The following ATIC variants were observed in gnomAD, a reference collection of about 807,000 sequenced individuals.
ATIC encodes 5-aminoimidazole-4-carboxamide ribonucleotide formyltransferase/IMP cyclohydrolase, also known as bifunctional purine biosynthesis protein ATIC.
A neutral mutation model predicts 72.5 loss-of-function variants in ATIC; 64 were observed. The ratio of observed to expected loss-of-function variants is 0.88; its 90% confidence interval spans 0.72 to 1.09. The LOEUF (loss-of-function observed/expected upper bound fraction) is 1.09. ATIC is among the 50% of genes least tolerant of loss of function. The probability of loss-of-function intolerance (pLI) is 0.00; values close to 1 mark genes in which losing one functional copy is unlikely to be tolerated. For synonymous variants in ATIC, 281 were observed against 267.1 expected (o/e 1.05, Z -0.51); for missense variants, 787 against 732.4 (o/e 1.07, Z -0.86).
At chr2:215,362,065 G>C in the ATIC span, 1 of 1,613,932 alleles carries the variant, frequency 6.2e-7, no homozygotes, top group Middle Eastern at 1.7e-4. Context: ...TGCGGCAGTT[G>C]TCACAGCGCC....
At chr2:215,320,546 C>T (rs1375225894) in intron 4 of ATIC, among the ~76,000 whole-genome samples, 1 of 151,938 alleles carries the variant, frequency 6.6e-6, no homozygotes, top group Non-Finnish European at 1.5e-5. Flanking sequence ...GAGGAGTTGC[C>T]CAGCTCTTTT....
chr2:215,332,627 C>A, intron 8 of ATIC, 120 bp downstream of exon 8: 1 of 1,260,134 alleles, frequency 7.9e-7, no homozygotes, highest in Non-Finnish European at 1.1e-6. Context: ...TGAAAGTCAT[C>A]TGTTGATAAC....
chr2:215,330,798 C>T (rs972768611), intron 7 of ATIC, among the ~76,000 whole-genome samples: 1 of 151,558 alleles, frequency 6.6e-6, no homozygotes, highest in African/African-American at 2.4e-5. Context: ...TCCGCCTTGG[C>T]CTCTCAAGTA....
chr2:215,337,169 CAA>C (rs562588056), intron 11 of ATIC, among the ~76,000 whole-genome samples: 1 of 151,036 alleles, frequency 6.6e-6, no homozygotes, highest in African/African-American at 2.4e-5. Flanking sequence ...ATTGATAAAG[CAA>C]AGAGTTATTT....
chr2:215,335,563 C>G (rs570299079), intron 10 of ATIC, among the ~76,000 whole-genome samples: 1 of 152,294 alleles, frequency 6.6e-6, no homozygotes, highest in African/African-American at 2.4e-5. Flanking sequence ...TTTCCATGGC[C>G]ACTGCCATCC....
At chr2:215,354,293 G>A (rs1318660723), downstream of ATIC, among the ~76,000 whole-genome samples, 1 of 152,196 alleles carries the variant, frequency 6.6e-6, no homozygotes, top group African/African-American at 2.4e-5. Flanking sequence ...GCCTCCCAAA[G>A]TGCTGGGATT....
In ATIC at chr2:215,313,231, G is replaced by T. The variant is rs535599447; in HGVS notation, c.146+607G>T. ...CTTCCTTAAACAGATTAACTTAGGT[G>T]GGCCACTTGTTATGCAAGGAAAACT... On this transcript the variant is annotated intron_variant, in intron 2 of 15. Transcript: ENST00000236959. Among the ~76,000 whole-genome samples, 324 of 152,260 alleles carry T rather than the reference G, an allele frequency of 2.1e-3. 3 individuals are homozygous for T. The highest frequency in any genetic ancestry group is 3.9e-3 in the Non-Finnish European group (264 of 68,000).
At chr2:215,362,147 TGAGTTA>T in the ATIC span, 5 of 1,220,728 alleles carry the variant, frequency 4.1e-6, no homozygotes, top group South Asian at 2.5e-5. Context: ...ATTTAGTGTT[TGAGTTA>T]AAGAAAAATG....
chr2:215,352,846 C>A (rs955884853), downstream of ATIC, among the ~76,000 whole-genome samples: 2 of 138,972 alleles, frequency 1.4e-5, no homozygotes, highest in Non-Finnish European at 3.1e-5. Context: ...TTCTTGCAGT[C>A]GATTGACTGA....
intron 11 of ATIC, among the ~76,000 whole-genome samples, chr2:215,337,457 C>T (rs2052968801): frequency 1.3e-5 from 2 of 152,224 alleles, no homozygotes; most frequent in Non-Finnish European, 2.9e-5. Flanking sequence ...ACCTCTGCCT[C>T]CTGAGTTCAA....
chr2:215,341,878 GAA>G (rs1256413360), intron 12 of ATIC, among the ~76,000 whole-genome samples: 1 of 152,096 alleles, frequency 6.6e-6, no homozygotes, highest in Non-Finnish European at 1.5e-5. Context: ...AATTTATAAA[GAA>G]AAGAGGTTTA....
chr2:215,368,124 T>G, the ATIC span: 3 of 1,274,398 alleles, frequency 2.4e-6, no homozygotes, highest in Non-Finnish European at 3.4e-6. Flanking sequence ...TGACTTAATC[T>G]AAAACAAGAA....
Position 215,326,148 on chromosome 2 carries a change from A to G in ATIC, c.531+10A>G, listed in dbSNP as rs1021035948. 3 of 1,613,780 alleles carry G rather than the reference A, an allele frequency of 1.9e-6. No individual in the cohort carries two copies. Among genetic ancestry groups the G allele is most frequent in the Non-Finnish European group, 2.5e-6 (3 of 1,179,808 alleles). On this transcript the variant is annotated intron_variant, in intron 6 of 15. Transcript: ENST00000236959. ...CCAGTTAGCCTTGAAGGTGGGATGC[A>G]CTTTCATGATATTGTAAGTTACATC...
intron 7 of ATIC, among the ~76,000 whole-genome samples, chr2:215,330,532 C>T (rs2052880251): frequency 6.6e-6 from 1 of 152,096 alleles, no homozygotes; most frequent in Non-Finnish European, 1.5e-5. Context: ...CATAGTTTAA[C>T]ATTCATTCTT....
At chr2:215,318,297 G>A in intron 3 of ATIC, 64 bp downstream of exon 3, 7 of 1,443,432 alleles carry the variant, frequency 4.8e-6, no homozygotes, top group South Asian at 1.1e-5. Context: ...TTAGTTGATA[G>A]CGTCCTAAAA....
Position 215,312,491 on chromosome 2 carries a change from C to CT in ATIC, c.20-4dup. ...CGAATCATGAGAAAAAATGTCTTCT[C>CT]TTTCAGCCTTATTTAGTGTCTCTGA... is the stretch of plus-strand genomic sequence containing the variant. On this transcript the variant is annotated splice_region_variant and splice_polypyrimidine_tract_variant and intron_variant, in intron 1 of 15. Coordinates refer to ENST00000236959, the MANE Select transcript of ATIC (RefSeq NM_004044.7). 1 of 1,614,220 alleles carries CT rather than the reference C, an allele frequency of 6.2e-7. No individual in the cohort carries two copies. Among genetic ancestry groups the CT allele is most frequent in the South Asian group, 1.1e-5 (1 of 91,080 alleles).
chr2:215,334,130 A>G (rs138156944), intron 9 of ATIC, among the ~76,000 whole-genome samples: 49 of 151,168 alleles, frequency 3.2e-4, no homozygotes, highest in East Asian at 2.9e-3. Flanking sequence ...AATTTAGGCT[A>G]TTGAATGCAT....
In ATIC at chr2:215,349,639, G is replaced by A. The variant is rs1236728582; in HGVS notation, c.1763G>A (p.Arg588Gln). Residue 588 changes from arginine to glutamine, a missense_variant, in exon 16 of 16, where the codon CGG becomes CAG. Physicochemically the swap from Arg to Gln is conservative, Grantham distance 43 (BLOSUM62 1). Coordinates refer to ENST00000236959, the MANE Select transcript of ATIC (RefSeq NM_004044.7). ...ATCATCCTCGCTCATACGAACCTTCGGCTCTTCCACCACTGATTTTACCAC... is the reference window on the plus strand; with the variant it reads ...ATCATCCTCGCTCATACGAACCTTCAGCTCTTCCACCACTGATTTTACCAC... Reference protein sequence around the residue: ...LGIILAHTNLRLFHH With the variant: ...LGIILAHTNLQLFHH The A allele has an allele frequency of 5.0e-6, 8 of 1,613,924 alleles. No individual in the cohort carries two copies. Among genetic ancestry groups the A allele is most frequent in the South Asian group, 4.4e-5 (4 of 91,074 alleles).
chr2:215,352,520 T>G (rs1181334972), downstream of ATIC, among the ~76,000 whole-genome samples: 3 of 151,956 alleles, frequency 2.0e-5, no homozygotes, highest in East Asian at 5.8e-4. Context: ...AGGCAGAGCT[T>G]GCAGTGAGCT....
Sources: gnomAD v4.1 joint callset for allele counts (sites outside exome capture counted in the v4.1 genomes callset) on GRCh38, gnomAD v4.1.1 for gene constraint, MANE v1.5 for transcripts, NCBI Gene and HGNC (gene_info 2026-07-23, HGNC 2026-07-21) for gene names.